CHKA: variants seen among roughly 807,000 people sequenced by gnomAD.
CHKA encodes the protein CHETK-alpha.
A neutral mutation model predicts 60.1 loss-of-function variants in CHKA; 34 were observed. The ratio of observed to expected loss-of-function variants is 0.57; its 90% confidence interval spans 0.43 to 0.75. CHKA has a LOEUF of 0.75. Ranked by LOEUF, CHKA falls within the 30% of genes least tolerant of loss-of-function variation. The pLI is 0.00. For synonymous variants in CHKA, 217 were observed against 223.1 expected, an observed-to-expected ratio of 0.97 and a Z score of 0.24; for missense variants, 563 against 561.3, an observed-to-expected ratio of 1.00 and a Z score of -0.03.
intron 2 of CHKA, among the ~76,000 whole-genome samples, chr11:68,084,711 T>A (rs1041662376): frequency 1.3e-5 from 2 of 151,968 alleles, no homozygotes; most frequent in African/African-American, 4.8e-5. Flanking sequence ...TAAAAAATCA[T>A]CTTATATAGA....
At chr11:68,101,710 G>C (rs945263037) in intron 1 of CHKA, among the ~76,000 whole-genome samples, 5 of 151,870 alleles carry the variant, frequency 3.3e-5, no homozygotes, top group African/African-American at 1.2e-4. Flanking sequence ...AAAGAGCTCT[G>C]CAATGAAAAC....
At chr11:68,064,401 C>T (rs1856367808) in intron 10 of CHKA, 124 bp downstream of exon 10, 2 of 518,704 alleles carry the variant, frequency 3.9e-6, no homozygotes, top group Admixed American at 4.3e-5. Context: ...GAGCAAGACT[C>T]TGTCTCAAAA....
chr11:68,109,689 G>A (rs932361472), intron 1 of CHKA, among the ~76,000 whole-genome samples: 1 of 152,172 alleles, frequency 6.6e-6, no homozygotes, highest in African/African-American at 2.4e-5. Flanking sequence ...GTGGTGGCTC[G>A]TGCCTGTAGT....
chr11:68,116,673 C>A (rs200675821), intron 1 of CHKA, among the ~76,000 whole-genome samples: 1 of 150,964 alleles, frequency 6.6e-6, no homozygotes, highest in African/African-American at 2.4e-5. Flanking sequence ...GCCGAGATCG[C>A]GCCATTGTGC....
chr11:68,063,251 C>A (rs1038584467), intron 10 of CHKA, among the ~76,000 whole-genome samples: 2 of 152,142 alleles, frequency 1.3e-5, no homozygotes, highest in African/African-American at 4.8e-5. Flanking sequence ...GTAATCCTAG[C>A]ACTTTGGGGG....
chr11:68,100,672 A>G (rs1303327092), intron 1 of CHKA, among the ~76,000 whole-genome samples: 2 of 151,444 alleles, frequency 1.3e-5, no homozygotes, highest in African/African-American at 4.8e-5. Context: ...ATAAATAAAT[A>G]AATTTAAATA....
At chr11:68,112,115 A>G (rs12792899) in intron 1 of CHKA, among the ~76,000 whole-genome samples, 3 of 121,936 alleles carry the variant, frequency 2.5e-5, no homozygotes, top group Non-Finnish European at 3.6e-5. Flanking sequence ...GCAAAAAAAA[A>G]TCTAGACAGA....
intron 2 of CHKA, among the ~76,000 whole-genome samples, chr11:68,087,881 G>C (rs1857230369): frequency 6.6e-6 from 1 of 152,094 alleles, no homozygotes; most frequent in Non-Finnish European, 1.5e-5. Flanking sequence ...GGGAGGCCGA[G>C]GTGGGTGGAT....
intron 11 of CHKA, among the ~76,000 whole-genome samples, chr11:68,054,467 G>A (rs372675871): frequency 6.6e-6 from 1 of 152,312 alleles, no homozygotes; most frequent in African/African-American, 2.4e-5. Flanking sequence ...AGAAGAGGAT[G>A]CCCATCGCCT....
chr11:68,069,628 G>C (rs2134536465), intron 6 of CHKA, among the ~76,000 whole-genome samples: 1 of 151,604 alleles, frequency 6.6e-6, no homozygotes, highest in South Asian at 2.1e-4. Flanking sequence ...AAGCTGCAGT[G>C]AGTCAAGATC....
At chr11:68,062,134 A>T in intron 10 of CHKA, 100 bp from the exon 11 acceptor site, 1 of 829,706 alleles carries the variant, frequency 1.2e-6, no homozygotes, top group Non-Finnish European at 2.0e-6. Flanking sequence ...ACTTGTGTGG[A>T]TGCAAACCTA....
Position 68,070,629 on chromosome 11 carries a change from C to T in CHKA, c.764+95G>A, listed in dbSNP as rs541856447. The T allele has an allele frequency of 6.7e-6, 9 of 1,350,128 alleles. No individual in the cohort carries two copies. In the African/African-American group the frequency reaches 1.2e-4, roughly 17 times the overall value. The allele number at this position is 1,350,128 out of a possible 1,614,324, so 83.6% of individuals were successfully genotyped here. On this transcript the variant is annotated intron_variant, in intron 5 of 11. Coordinates refer to ENST00000265689, the MANE Select transcript of CHKA (RefSeq NM_001277.3). ...CCTGCACTTCAGTGAACTAGGAAGA[C>T]CTCTGACTACTGTGGCAAACAAATG...
At chr11:68,115,992 T>C (rs1021018251) in intron 1 of CHKA, among the ~76,000 whole-genome samples, 1 of 152,200 alleles carries the variant, frequency 6.6e-6, no homozygotes, top group African/African-American at 2.4e-5. Context: ...TAACTTCCTA[T>C]GTGAGTTTTA....
intron 1 of CHKA, among the ~76,000 whole-genome samples, chr11:68,117,696 A>C (rs1321371315): frequency 6.6e-6 from 1 of 152,178 alleles, no homozygotes; most frequent in Non-Finnish European, 1.5e-5. Context: ...ATTTAAAAAT[A>C]AAAAATAAAA....
intron 5 of CHKA, 89 bp downstream of exon 5, chr11:68,070,635 A>G: frequency 7.1e-7 from 1 of 1,412,052 alleles, no homozygotes; most frequent in South Asian, 1.3e-5. Flanking sequence ...AAGACCTCTG[A>G]CTACTGTGGC....
chr11:68,054,826 T>C (rs1411235171), intron 11 of CHKA, among the ~76,000 whole-genome samples: 1 of 152,226 alleles, frequency 6.6e-6, no homozygotes, highest in Non-Finnish European at 1.5e-5. Flanking sequence ...CATGGGCCTC[T>C]TGCAGTTGGC....
At chr11:68,095,760 G>C (rs1857492520) in intron 2 of CHKA, among the ~76,000 whole-genome samples, 1 of 128,284 alleles carries the variant, frequency 7.8e-6, no homozygotes, top group Admixed American at 8.7e-5. Context: ...TCCTACCACA[G>C]GCCAGGCGTG....
In CHKA at chr11:68,120,890, CT is replaced by C; in HGVS notation, c.287del (p.Lys96ArgfsTer59). Reference protein sequence around the residue: ...RTRRRAYLWCKEFLPGAWRGL... With the variant: ...RTRRRAYLWCXEFLPGAWRGL... ...CCCGCCAGGCGCCGGGCAGGAACTC[CT>C]TGCACCACAGATAGGCCCTGCGCCG... On this transcript the variant is annotated frameshift_variant, in exon 1 of 12. Coordinates refer to ENST00000265689, the MANE Select transcript of CHKA (RefSeq NM_001277.3). LOFTEE classifies it high-confidence loss of function. 1 of 1,349,236 alleles carries C rather than the reference CT, an allele frequency of 7.4e-7. No individual in the cohort carries two copies. Among genetic ancestry groups the C allele is most frequent in the Non-Finnish European group, 9.6e-7 (1 of 1,036,924 alleles). 83.6% of individuals were successfully genotyped at this position (1,349,236 alleles called of 1,614,324 possible).
intron 1 of CHKA, among the ~76,000 whole-genome samples, chr11:68,117,449 G>C (rs1173086989): frequency 2.6e-5 from 4 of 152,244 alleles, no homozygotes. Context: ...AGCACTTTGG[G>C]AGGCCAAGGA....
Sources: gnomAD v4.1 joint callset for allele counts (sites outside exome capture counted in the v4.1 genomes callset) on GRCh38, gnomAD v4.1.1 for gene constraint, MANE v1.5 for transcripts, NCBI Gene and HGNC (gene_info 2026-07-23, HGNC 2026-07-21) for gene names.